Variants in SPAG16 observed in about 807,000 individuals in gnomAD.
SPAG16 encodes the protein sperm-associated antigen 16 protein.
A neutral mutation model predicts 80.4 loss-of-function variants in SPAG16; 86 were observed. That is an observed-to-expected ratio of 1.07 (90% CI 0.90 to 1.28). The LOEUF is 1.28. SPAG16 is among the 50% of genes most tolerant of loss of function. SPAG16 has a pLI of 0.00. For synonymous variants in SPAG16, 294 were observed against 265.9 expected, an observed-to-expected ratio of 1.11 and a Z score of -1.03; for missense variants, 870 against 765.3, an observed-to-expected ratio of 1.14 and a Z score of -1.61.
At chr2:214,328,036 C>A (rs1163408557) in intron 15 of SPAG16, among the ~76,000 whole-genome samples, 1 of 151,998 alleles carries the variant, frequency 6.6e-6, no homozygotes, top group Non-Finnish European at 1.5e-5. Flanking sequence ...TGATAGGATC[C>A]AGTTTATAAA....
At chr2:213,868,480 A>G (rs2075796974) in intron 11 of SPAG16, among the ~76,000 whole-genome samples, 1 of 152,206 alleles carries the variant, frequency 6.6e-6, no homozygotes, top group Non-Finnish European at 1.5e-5. Context: ...CAGGTTAATA[A>G]TGTTATATCA....
intron 14 of SPAG16, among the ~76,000 whole-genome samples, chr2:214,117,784 A>T (rs2054013654): frequency 6.6e-6 from 1 of 152,228 alleles, no homozygotes. Context: ...CCATGGGAAA[A>T]GCATTCAATA....
chr2:214,055,230 A>G (rs2125149745), intron 13 of SPAG16, among the ~76,000 whole-genome samples: 1 of 152,256 alleles, frequency 6.6e-6, no homozygotes, highest in African/African-American at 2.4e-5. Flanking sequence ...TCCTGTAAGA[A>G]TTACCAACTA....
At chr2:214,002,637 G>A (rs2124886799) in intron 12 of SPAG16, among the ~76,000 whole-genome samples, 1 of 152,216 alleles carries the variant, frequency 6.6e-6, no homozygotes, top group East Asian at 1.9e-4. Context: ...CAAACCTGAA[G>A]GTCTGTGAAC....
intron 15 of SPAG16, among the ~76,000 whole-genome samples, chr2:214,394,740 A>T (rs145856426): frequency 1.7e-3 from 256 of 152,292 alleles, no homozygotes; most frequent in African/African-American, 5.9e-3. Context: ...ACACATCATT[A>T]TCCTTCAAAA....
intron 8 of SPAG16, among the ~76,000 whole-genome samples, chr2:213,368,858 G>A (rs564162662): frequency 8.5e-5 from 13 of 152,278 alleles, no homozygotes; most frequent in African/African-American, 2.6e-4. Context: ...ACTTACAAAG[G>A]ATGTGAAGGA....
chr2:213,617,654 T>G (rs1005734679), intron 10 of SPAG16, among the ~76,000 whole-genome samples: 1 of 152,086 alleles, frequency 6.6e-6, no homozygotes, highest in African/African-American at 2.4e-5. Context: ...AATAATTTTT[T>G]TTTTAAAAAT....
intron 12 of SPAG16, among the ~76,000 whole-genome samples, chr2:214,005,370 C>T (rs1023043919): frequency 3.3e-5 from 5 of 152,190 alleles, no homozygotes; most frequent in African/African-American, 4.8e-5. Flanking sequence ...GTTCCAGGTA[C>T]TTGAGGTTGT....
At chr2:213,457,557 G>T (rs1348152434) in intron 9 of SPAG16, among the ~76,000 whole-genome samples, 5 of 152,066 alleles carry the variant, frequency 3.3e-5, no homozygotes, top group Non-Finnish European at 7.4e-5. Context: ...CTACCCTGTG[G>T]CTTTTAACAT....
At chr2:214,128,190 A>G (rs969658379) in intron 14 of SPAG16, among the ~76,000 whole-genome samples, 1 of 151,808 alleles carries the variant, frequency 6.6e-6, no homozygotes, top group East Asian at 1.9e-4. Context: ...GCAGGGGGAA[A>G]ACCTCTCAAG....
intron 15 of SPAG16, among the ~76,000 whole-genome samples, chr2:214,353,420 C>T (rs375840644): frequency 5.5e-4 from 84 of 152,192 alleles, no homozygotes; most frequent in African/African-American, 1.8e-3. Flanking sequence ...TATTTTCAAA[C>T]CTACAATTTA....
chr2:213,861,676 T>A lies in SPAG16; in HGVS notation c.1071-809T>A, dbSNP rs144665952. Among the ~76,000 whole-genome samples, 247 of 152,324 alleles carry A rather than the reference T, an allele frequency of 1.6e-3. 1 individual carries two copies. Among genetic ancestry groups the A allele is most frequent in the African/African-American group, 5.2e-3 (217 of 41,584 alleles). On this transcript the variant is annotated intron_variant, in intron 10 of 15. Coordinates refer to ENST00000331683, the MANE Select transcript of SPAG16 (RefSeq NM_024532.5). ...AGATGAAACTTTATACAAATAAGAT[T>A]AAAGCATTGCCATAGCTAAAATATC...
chr2:214,082,139 T>A (rs1267457398), intron 13 of SPAG16, among the ~76,000 whole-genome samples: 1 of 152,182 alleles, frequency 6.6e-6, no homozygotes. Context: ...CTCTGCCATG[T>A]CCTGCAGCTG....
At chr2:214,014,164 A>T in intron 13 of SPAG16, 87 bp downstream of exon 13, 1 of 1,527,086 alleles carries the variant, frequency 6.5e-7, no homozygotes, top group South Asian at 1.2e-5. Flanking sequence ...TGACTTAAAA[A>T]GTGATTGTGC....
chr2:213,607,188 A>G (rs1306113869), intron 10 of SPAG16, among the ~76,000 whole-genome samples: 1 of 152,226 alleles, frequency 6.6e-6, no homozygotes, highest in East Asian at 1.9e-4. Context: ...CATATTTTAC[A>G]TGATAGTTTT....
chr2:214,081,953 G>A (rs2051417652), intron 13 of SPAG16, among the ~76,000 whole-genome samples: 1 of 152,054 alleles, frequency 6.6e-6, no homozygotes, highest in African/African-American at 2.4e-5. Flanking sequence ...GAGAGCTGGG[G>A]CCACCATGGA....
chr2:214,268,038 G>A (rs1358954843), intron 15 of SPAG16, among the ~76,000 whole-genome samples: 2 of 151,868 alleles, frequency 1.3e-5, no homozygotes, highest in Non-Finnish European at 2.9e-5. Flanking sequence ...TTTCTCAAAA[G>A]AAGAGATACA....
intron 10 of SPAG16, among the ~76,000 whole-genome samples, chr2:213,637,042 G>C (rs2125100231): frequency 6.6e-6 from 1 of 152,196 alleles, no homozygotes; most frequent in African/African-American, 2.4e-5. Context: ...AGTTCTCAGG[G>C]GGAATGCTTT....
chr2:214,178,808 C>T (rs2057216515), intron 15 of SPAG16, among the ~76,000 whole-genome samples: 1 of 151,228 alleles, frequency 6.6e-6, no homozygotes, highest in Admixed American at 6.6e-5. Context: ...CAGAAAGAAA[C>T]ATATTTTGAA....
Sources: allele counts gnomAD v4.1 joint callset (sites outside exome capture counted in the v4.1 genomes callset), GRCh38; gene constraint gnomAD v4.1.1; transcripts MANE v1.5; gene names NCBI Gene and HGNC (gene_info 2026-07-23, HGNC 2026-07-21).